Variants in PLCL1 observed in about 807,000 individuals in gnomAD.
The protein encoded by PLCL1 is phospholipase C like 1 (inactive).
In PLCL1, 41 loss-of-function variants were observed where a neutral mutation model predicts 84.4. The observed-to-expected ratio is 0.49, with a 90% CI of 0.38 to 0.63. PLCL1 has a LOEUF of 0.63. Ranked by LOEUF, PLCL1 falls within the 30% of genes least tolerant of loss-of-function variation. PLCL1 has a pLI of 0.00. For missense variants in PLCL1, 1,206 were observed against 1,367.8 expected (o/e 0.88, Z 1.87); for synonymous variants, 490 against 488.3 (o/e 1.00, Z -0.05).
chr2:197,989,206 T>C (rs764878094), intron 1 of PLCL1, among the ~76,000 whole-genome samples: 5 of 152,218 alleles, frequency 3.3e-5, no homozygotes, highest in Non-Finnish European at 5.9e-5. Context: ...TAATTATTTA[T>C]AGAAGTTTGC....
chr2:198,108,461 A>G (rs570684200), intron 5 of PLCL1, among the ~76,000 whole-genome samples: 1 of 151,982 alleles, frequency 6.6e-6, no homozygotes, highest in African/African-American at 2.4e-5. Flanking sequence ...AAAATGAGAA[A>G]TGTGCCCTCA....
chr2:198,106,773 T>G (rs1275586862), intron 5 of PLCL1, among the ~76,000 whole-genome samples: 3 of 151,894 alleles, frequency 2.0e-5, no homozygotes, highest in African/African-American at 7.2e-5. Flanking sequence ...CTTTCTTCCT[T>G]GCCACAACAG....
chr2:197,837,849 T>C (rs1363142830), intron 1 of PLCL1, among the ~76,000 whole-genome samples: 2 of 152,212 alleles, frequency 1.3e-5, no homozygotes, highest in Non-Finnish European at 2.9e-5. Context: ...GTTAGAATAT[T>C]ATGCAATTTA....
intron 1 of PLCL1, among the ~76,000 whole-genome samples, chr2:197,913,847 C>G (rs975863178): frequency 4.0e-5 from 6 of 151,870 alleles, no homozygotes; most frequent in African/African-American, 1.5e-4. Flanking sequence ...TTTTCTCTTT[C>G]CTTTTCATAA....
intron 1 of PLCL1, among the ~76,000 whole-genome samples, chr2:197,895,209 CA>C (rs1688111827): frequency 6.6e-6 from 1 of 151,918 alleles, no homozygotes; most frequent in Non-Finnish European, 1.5e-5. Context: ...AGTGCTCCCT[CA>C]AAATGGAATC....
chr2:197,832,678 A>G (rs1443194876), intron 1 of PLCL1, among the ~76,000 whole-genome samples: 1 of 152,222 alleles, frequency 6.6e-6, no homozygotes, highest in Non-Finnish European at 1.5e-5. Context: ...CTGATACCAA[A>G]ACCTGGCAGA....
At chr2:197,923,825 G>T (rs1305685763) in intron 1 of PLCL1, among the ~76,000 whole-genome samples, 2 of 151,888 alleles carry the variant, frequency 1.3e-5, no homozygotes, top group African/African-American at 4.8e-5. Context: ...GGTGTAGGTT[G>T]TAGCGAGCCG....
chr2:198,109,887 A>C (rs1444345192), intron 5 of PLCL1, among the ~76,000 whole-genome samples: 4 of 151,732 alleles, frequency 2.6e-5, no homozygotes, highest in African/African-American at 9.7e-5. Flanking sequence ...TGTAAAAATC[A>C]ATTTTAGCAG....
rs72922421 is a variant in PLCL1, at chr2:197,888,126, G to A, written c.240+82787G>A. Among the ~76,000 whole-genome samples, 778 of 152,004 alleles carry A rather than the reference G, an allele frequency of 5.1e-3. 2 individuals are homozygous for A. Among genetic ancestry groups the A allele is most frequent in the Non-Finnish European group, 7.4e-3 (505 of 67,962 alleles). ...GGAAAAAATCTTATTTTTACTAGCG[G>A]TCATTTAATTGAGATTGAGCATTTT... On this transcript the variant is annotated intron_variant, in intron 1 of 5. Coordinates refer to ENST00000428675, the MANE Select transcript of PLCL1 (RefSeq NM_006226.4).
chr2:197,808,007 T>C (rs568055210), intron 1 of PLCL1, among the ~76,000 whole-genome samples: 2 of 152,328 alleles, frequency 1.3e-5, no homozygotes, highest in South Asian at 4.1e-4. Flanking sequence ...TCTTCTGAGC[T>C]GAGGAAAACA....
Position 198,062,954 on chromosome 2 carries a change from G to A in PLCL1, c.241-20804G>A, listed in dbSNP as rs114407126. 3.4e-3 allele frequency among the ~76,000 whole-genome samples: 515 copies of A among 152,214 alleles called. 4 individuals are homozygous for A. The highest frequency in any genetic ancestry group is 0.012 in the African/African-American group (487 of 41,542). On this transcript the variant is annotated intron_variant, in intron 1 of 5. Transcript: ENST00000428675. Reference sequence around the variant, plus strand: ...CTGAACCCCACCCCCAGATCCAGTGGGTGTAGAGTCTGAAAGTCTGCAATT... The same window carrying A: ...CTGAACCCCACCCCCAGATCCAGTGAGTGTAGAGTCTGAAAGTCTGCAATT...
chr2:198,073,378 G>A (rs554997862), intron 1 of PLCL1, among the ~76,000 whole-genome samples: 1 of 152,246 alleles, frequency 6.6e-6, no homozygotes, highest in African/African-American at 2.4e-5. Flanking sequence ...TTGAACATGA[G>A]CAGATGCTGA....
Position 197,894,522 on chromosome 2 carries a change from A to AT in PLCL1, c.240+89192dup, listed in dbSNP as rs1045938050. Reference sequence around the variant, plus strand: ...AGTTCTTTGTCAGTATAACTAGCTCATTTTTTTTTGGGTGCAATAGTTACA... The same window carrying AT: ...AGTTCTTTGTCAGTATAACTAGCTCATTTTTTTTTTGGGTGCAATAGTTACA... On this transcript the variant is annotated intron_variant, in intron 1 of 5. Transcript: ENST00000428675. Among the ~76,000 whole-genome samples the AT allele has an allele frequency of 3.5e-3, 527 of 150,552 alleles. 6 individuals carry two copies. The highest frequency in any genetic ancestry group is 0.012 in the African/African-American group (485 of 41,140).
At chr2:198,074,157 G>T (rs1394134387) in intron 1 of PLCL1, among the ~76,000 whole-genome samples, 1 of 152,010 alleles carries the variant, frequency 6.6e-6, no homozygotes, top group African/African-American at 2.4e-5. Flanking sequence ...CTGGAGTTTT[G>T]TCCTTACCAA....
chr2:197,965,484 G>A (rs1689708601), intron 1 of PLCL1, among the ~76,000 whole-genome samples: 1 of 151,856 alleles, frequency 6.6e-6, no homozygotes, highest in Non-Finnish European at 1.5e-5. Flanking sequence ...TTTGTTGATT[G>A]TTTTTAATCT....
At chr2:197,905,740 T>C (rs1251502238) in intron 1 of PLCL1, among the ~76,000 whole-genome samples, 2 of 152,246 alleles carry the variant, frequency 1.3e-5, no homozygotes, top group Non-Finnish European at 1.5e-5. Flanking sequence ...TGTTGTTTCC[T>C]AACTTCCTAA....
chr2:198,117,139 C>T (rs941102475), intron 5 of PLCL1, among the ~76,000 whole-genome samples: 1 of 151,810 alleles, frequency 6.6e-6, no homozygotes, highest in Non-Finnish European at 1.5e-5. Context: ...GGTCAAAAAA[C>T]ATTCCTGATC....
intron 1 of PLCL1, among the ~76,000 whole-genome samples, chr2:198,038,185 A>T (rs10497811): frequency 6.6e-6 from 1 of 151,942 alleles, no homozygotes; most frequent in African/African-American, 2.4e-5. Context: ...ATTAAAGAGA[A>T]GACTTCACAA....
At chr2:197,933,067 C>T (rs898391559) in intron 1 of PLCL1, among the ~76,000 whole-genome samples, 1 of 152,146 alleles carries the variant, frequency 6.6e-6, no homozygotes, top group African/African-American at 2.4e-5. Flanking sequence ...TTTTAAAATG[C>T]TTGCCCTTGA....
Sources: allele counts gnomAD v4.1 joint callset (sites outside exome capture counted in the v4.1 genomes callset), GRCh38; gene constraint gnomAD v4.1.1; transcripts MANE v1.5; gene names NCBI Gene and HGNC (gene_info 2026-07-23, HGNC 2026-07-21).